Variants in GRM7 observed in about 807,000 individuals in gnomAD.
The protein encoded by GRM7 is metabotropic glutamate receptor 7.
GRM7 carries 35 observed loss-of-function variants against 84.5 expected under a neutral mutation model. That is an observed-to-expected ratio of 0.41 (90% CI 0.32 to 0.55). The LOEUF (loss-of-function observed/expected upper bound fraction) is 0.55, where lower values mean the gene tolerates loss of function less well. Among genes scored for constraint, GRM7 ranks in the 20% least tolerant of loss-of-function variants. The pLI, the probability that GRM7 is intolerant of heterozygous loss-of-function variation, is 0.19. For synonymous variants in GRM7, 487 were observed against 455.1 expected, an observed-to-expected ratio of 1.07 and a Z score of -0.89; for missense variants, 1,003 against 1,194.6, an observed-to-expected ratio of 0.84 and a Z score of 2.36.
intron 8 of GRM7, among the ~76,000 whole-genome samples, chr3:7,659,539 A>G (rs927280360): frequency 1.3e-5 from 2 of 152,198 alleles, no homozygotes; most frequent in Non-Finnish European, 2.9e-5. Context: ...CTCATAGGTT[A>G]TAAAATACAT....
At chr3:7,453,259 G>T (rs1054794091) in intron 6 of GRM7, among the ~76,000 whole-genome samples, 2 of 152,028 alleles carry the variant, frequency 1.3e-5, no homozygotes, top group South Asian at 2.1e-4. Flanking sequence ...AATAAATTCT[G>T]CAGTGGACAC....
intron 2 of GRM7, among the ~76,000 whole-genome samples, chr3:7,177,089 A>G (rs1051685315): frequency 1.3e-5 from 2 of 151,900 alleles, no homozygotes; most frequent in African/African-American, 4.8e-5. Context: ...CCCATTCTCT[A>G]TCACTTCTAC....
At position 7,564,288 on chromosome 3, in the gene GRM7, T is replaced by A. The variant is rs115037171; in HGVS notation, c.1516-14134T>A. On this transcript the variant is annotated intron_variant, in intron 7 of 9. Coordinates refer to ENST00000357716, the MANE Select transcript of GRM7 (RefSeq NM_000844.4). ...AACATGCTTCCATACATGCCCTTTTTCAGTAAGTGTAGGAGGTAATTATTA... is the reference window on the plus strand; with the variant it reads ...AACATGCTTCCATACATGCCCTTTTACAGTAAGTGTAGGAGGTAATTATTA... Among the ~76,000 whole-genome samples the A allele has an allele frequency of 8.7e-3, 1,331 of 152,278 alleles. 18 individuals are homozygous for A. Among genetic ancestry groups the A allele is most frequent in the African/African-American group, 0.029 (1,191 of 41,558 alleles).
chr3:7,079,788 G>T (rs1288819570), intron 1 of GRM7, among the ~76,000 whole-genome samples: 1 of 152,156 alleles, frequency 6.6e-6, no homozygotes, highest in Non-Finnish European at 1.5e-5. Context: ...AGTAATTTTA[G>T]TTATGTTATT....
rs555819465 is a variant in GRM7 at position 6,953,610 on chromosome 3, C to T, written c.519+91703C>T. Reference sequence around the variant, plus strand: ...TCTTTTGTATAACTAAAAAAGCACACTAGGTTTCTTTTCATAGCACAATCC... The same window carrying T: ...TCTTTTGTATAACTAAAAAAGCACATTAGGTTTCTTTTCATAGCACAATCC... On this transcript the variant is annotated intron_variant, in intron 1 of 9. Transcript: ENST00000357716. Among the ~76,000 whole-genome samples the T allele has an allele frequency of 2.0e-3, 303 of 152,288 alleles. 2 individuals are homozygous for T. Among genetic ancestry groups the T allele is most frequent in the Non-Finnish European group, 3.3e-3 (222 of 68,020 alleles).
At chr3:7,568,181 A>C (rs1042464958) in intron 7 of GRM7, among the ~76,000 whole-genome samples, 28 of 152,108 alleles carry the variant, frequency 1.8e-4, no homozygotes, top group African/African-American at 6.8e-4. Flanking sequence ...ATGCTTGGGA[A>C]CTGGGGAGCC....
chr3:7,495,966 C>T (rs564000525), intron 7 of GRM7, among the ~76,000 whole-genome samples: 2 of 152,328 alleles, frequency 1.3e-5, no homozygotes, highest in East Asian at 1.9e-4. Context: ...TCTATGTCCA[C>T]TTGTCCAGAG....
intron 7 of GRM7, among the ~76,000 whole-genome samples, chr3:7,572,484 A>C (rs1477524023): frequency 6.6e-6 from 1 of 151,938 alleles, no homozygotes; most frequent in Non-Finnish European, 1.5e-5. Flanking sequence ...ACAGTTCTGG[A>C]TCCTTCTATG....
chr3:6,953,547 G>A (rs982948433), intron 1 of GRM7, among the ~76,000 whole-genome samples: 9 of 152,142 alleles, frequency 5.9e-5, no homozygotes, highest in African/African-American at 2.2e-4. Flanking sequence ...TAGCCTCAAT[G>A]TCTCTTTCAT....
At chr3:7,156,408 T>C (rs1222716294) in intron 2 of GRM7, among the ~76,000 whole-genome samples, 1 of 152,192 alleles carries the variant, frequency 6.6e-6, no homozygotes, top group Non-Finnish European at 1.5e-5. Context: ...TCCGAACAAA[T>C]TCGCTTAGCC....
intron 7 of GRM7, among the ~76,000 whole-genome samples, chr3:7,488,322 G>A (rs1484023992): frequency 6.6e-6 from 1 of 152,090 alleles, no homozygotes; most frequent in African/African-American, 2.4e-5. Flanking sequence ...TCCTCACAGT[G>A]GAGGGCAAGG....
At chr3:7,586,546 G>A (rs891000867) in intron 8 of GRM7, among the ~76,000 whole-genome samples, 5 of 152,174 alleles carry the variant, frequency 3.3e-5, no homozygotes, top group Non-Finnish European at 7.3e-5. Context: ...AGTGGCTCAC[G>A]CCTGTAATTC....
intron 1 of GRM7, among the ~76,000 whole-genome samples, chr3:7,056,174 GC>G (rs1697213234): frequency 6.6e-6 from 1 of 152,010 alleles, no homozygotes; most frequent in Non-Finnish European, 1.5e-5. Context: ...CCCTTGGAAG[GC>G]CAGCCAGAGT....
chr3:7,393,254 G>A (rs958162759), intron 4 of GRM7, among the ~76,000 whole-genome samples: 1 of 152,118 alleles, frequency 6.6e-6, no homozygotes, highest in Non-Finnish European at 1.5e-5. Context: ...TCTCAAAATG[G>A]CTCCCAGCTG....
At position 7,451,374 on chromosome 3, in the gene GRM7, T is replaced by G. The variant is rs374769413; in HGVS notation, c.1175-1233T>G. 8.9e-4 allele frequency among the ~76,000 whole-genome samples: 136 copies of G among 152,310 alleles called. 5 individuals carry two copies. In the South Asian group the frequency reaches 0.026, roughly 29 times the overall value. On this transcript the variant is annotated intron_variant, in intron 5 of 9. Transcript: ENST00000357716. ...TGCTATAAGCAAGATTTGAAATGTTTTACGGGAATGTTGAATTGCGACTGA... is the reference window on the plus strand; with the variant it reads ...TGCTATAAGCAAGATTTGAAATGTTGTACGGGAATGTTGAATTGCGACTGA...
intron 4 of GRM7, among the ~76,000 whole-genome samples, chr3:7,319,435 A>G (rs1700694368): frequency 6.6e-6 from 1 of 152,030 alleles, no homozygotes; most frequent in Non-Finnish European, 1.5e-5. Flanking sequence ...TGTGATGGAG[A>G]TTTTGGCAGG....
chr3:7,664,572 A>T (rs912561175), intron 8 of GRM7, among the ~76,000 whole-genome samples: 3 of 152,210 alleles, frequency 2.0e-5, no homozygotes, highest in Admixed American at 1.3e-4. Flanking sequence ...CAGGTGTGTT[A>T]CATAGGTATA....
At chr3:7,021,902 G>C (rs539568991) in intron 1 of GRM7, among the ~76,000 whole-genome samples, 1 of 151,986 alleles carries the variant, frequency 6.6e-6, no homozygotes, top group Non-Finnish European at 1.5e-5. Context: ...CTTGACACTT[G>C]GTGTGAAAAT....
At position 7,093,702 on chromosome 3, in the gene GRM7, AAAAAAAAAAAAAG is replaced by A. The variant is rs1230401061; in HGVS notation, c.520-52749_520-52737del. On this transcript the variant is annotated intron_variant, in intron 1 of 9. Coordinates refer to ENST00000357716, the MANE Select transcript of GRM7 (RefSeq NM_000844.4). ...AAAAAAAAAAAAAAAAAAAAAAAAA[AAAAAAAAAAAAAG>A]GTAGTTAGTGGCCTTTGCTCTTTTA... Among the ~76,000 whole-genome samples the A allele has an allele frequency of 6.5e-3, 625 of 95,998 alleles. 44 individuals are homozygous for A. Among genetic ancestry groups the A allele is most frequent in the East Asian group, 0.037 (109 of 2,910 alleles). 63.0% of individuals were successfully genotyped at this position (95,998 alleles called of 152,430 possible). A position where few individuals can be genotyped will look rare whatever the true frequency, so the allele number is the denominator to read the frequency against.
Sources: gnomAD v4.1 joint callset for allele counts (sites outside exome capture counted in the v4.1 genomes callset) on GRCh38, gnomAD v4.1.1 for gene constraint, MANE v1.5 for transcripts, NCBI Gene and HGNC (gene_info 2026-07-23, HGNC 2026-07-21) for gene names.